The following LRP6 variants were observed in gnomAD, a reference collection of about 807,000 sequenced individuals.
LRP6 encodes the protein LDL receptor related protein 6.
In LRP6, 43 loss-of-function variants were observed where a neutral mutation model predicts 184.1. The ratio of observed to expected loss-of-function variants is 0.23; its 90% CI spans 0.18 to 0.30. The LOEUF is 0.30. Ranked by LOEUF, LRP6 falls within the 10% of genes least tolerant of loss-of-function variation. The probability of loss-of-function intolerance (pLI) is 1.00; values close to 1 mark genes in which losing one functional copy is unlikely to be tolerated. For synonymous variants in LRP6, 719 were observed against 684.9 expected (o/e 1.05, Z -0.78); for missense variants, 1,571 against 2,005.3 (o/e 0.78, Z 4.14).
chr12:12,150,401 T>C (rs1053961413), intron 13 of LRP6, among the ~76,000 whole-genome samples: 4 of 152,174 alleles, frequency 2.6e-5, no homozygotes, highest in Non-Finnish European at 5.9e-5. Context: ...GTAACCGTTA[T>C]TTATTGAGTT....
intron 3 of LRP6, among the ~76,000 whole-genome samples, chr12:12,195,702 C>T (rs1432144235): frequency 1.3e-5 from 2 of 152,002 alleles, no homozygotes; most frequent in African/African-American, 2.4e-5. Flanking sequence ...TGATATAATG[C>T]ATCTGGTATT....
At chr12:12,177,384 G>T (rs1391843915) in intron 7 of LRP6, among the ~76,000 whole-genome samples, 1 of 152,018 alleles carries the variant, frequency 6.6e-6, no homozygotes, top group African/African-American at 2.4e-5. Context: ...GAAAAAGAGG[G>T]ATTTTTAAAA....
chr12:12,208,299 G>C (rs1350574415), intron 2 of LRP6, among the ~76,000 whole-genome samples: 1 of 152,138 alleles, frequency 6.6e-6, no homozygotes, highest in Non-Finnish European at 1.5e-5. Flanking sequence ...GGGGCTTAAG[G>C]CACCTTCTGG....
chr12:12,162,818 T>C (rs570188020), intron 9 of LRP6, among the ~76,000 whole-genome samples: 5 of 152,222 alleles, frequency 3.3e-5, no homozygotes, highest in Admixed American at 6.5e-5. Flanking sequence ...TATAAATGAA[T>C]GTAACCATTA....
chr12:12,165,331 T>C (rs992772779), intron 7 of LRP6, 36 bp from the exon 8 acceptor site: 1 of 1,405,354 alleles, frequency 7.1e-7, no homozygotes, highest in African/African-American at 1.4e-5. Context: ...GGGGATGAAT[T>C]ATGCATTTAT....
intron 3 of LRP6, chr12:12,187,504 G>T (rs552230063): frequency 4.5e-5 from 12 of 268,050 alleles, no homozygotes; most frequent in African/African-American, 2.6e-4. Flanking sequence ...ACAGAGAAAG[G>T]TAAGCAATGA....
intron 2 of LRP6, among the ~76,000 whole-genome samples, chr12:12,215,352 T>C (rs996158505): frequency 6.6e-6 from 1 of 152,126 alleles, no homozygotes; most frequent in Non-Finnish European, 1.5e-5. Flanking sequence ...ATAATAAAAA[T>C]AGTCTGATAA....
chr12:12,133,546 A>G (rs1949786623), intron 17 of LRP6, among the ~76,000 whole-genome samples: 1 of 152,114 alleles, frequency 6.6e-6, no homozygotes, highest in African/African-American at 2.4e-5. Context: ...CAGAACCATG[A>G]GCCAATTAAA....
intron 8 of LRP6, among the ~76,000 whole-genome samples, 161 bp downstream of exon 8, chr12:12,164,918 G>GGAAAAAAA (rs1862832194): frequency 1.1e-4 from 1 of 9,322 alleles, no homozygotes; most frequent in African/African-American, 2.4e-4. Context: ...TCCCTTCTCA[G>GGAAAAAAA]TAAAAAAAAA....
At position 12,181,362 on chromosome 12, in the gene LRP6, T is replaced by C. The variant is rs1288148260; in HGVS notation, c.1054A>G (p.Ile352Val). 21 of 1,610,310 alleles carry C rather than the reference T, an allele frequency of 1.3e-5. No individual in the cohort carries two copies. The highest frequency in any genetic ancestry group is 2.2e-5 in the South Asian group (2 of 91,000). ...CGGATGTCTTCTAACTGCAGAACAA[T>C]GTCTGTAAAATCTGGTGTATCCAAA... Reference protein sequence around the residue: ...ISLDTPDFTDIVLQLEDIRHA... With the variant: ...ISLDTPDFTDVVLQLEDIRHA... The change falls in exon 6 of 23, where the codon ATT becomes GTT. Residue 352 changes from isoleucine to valine, a missense_variant. Ile to Val is a conservative substitution (Grantham distance 29). Transcript: ENST00000261349.
chr12:12,187,817 T>C (rs576298447), intron 3 of LRP6, among the ~76,000 whole-genome samples: 1 of 152,246 alleles, frequency 6.6e-6, no homozygotes, highest in East Asian at 1.9e-4. Context: ...AGATCCAAAA[T>C]TTTCACAAGC....
At chr12:12,142,597 GAACA>G (rs1203419458) in intron 15 of LRP6, among the ~76,000 whole-genome samples, 9 of 151,416 alleles carry the variant, frequency 5.9e-5, no homozygotes, top group African/African-American at 2.2e-4. Flanking sequence ...AATAGAAAAA[GAACA>G]AACATTTCTT....
chr12:12,174,701 T>C (rs778775328), intron 7 of LRP6, among the ~76,000 whole-genome samples: 2 of 152,218 alleles, frequency 1.3e-5, no homozygotes, highest in Non-Finnish European at 2.9e-5. Context: ...AGGGTATTGA[T>C]GAAATAAAGG....
chr12:12,244,094 T>C (rs1012491276), intron 2 of LRP6, among the ~76,000 whole-genome samples, 168 bp downstream of exon 2: 1 of 151,972 alleles, frequency 6.6e-6, no homozygotes, highest in African/African-American at 2.4e-5. Context: ...AAAATAATAA[T>C]AACACAACGT....
intron 4 of LRP6, among the ~76,000 whole-genome samples, chr12:12,186,444 T>G (rs981328398): frequency 6.6e-6 from 1 of 152,054 alleles, no homozygotes; most frequent in Non-Finnish European, 1.5e-5. Context: ...AGTGGCACAA[T>G]CTCGGCTCAC....
chr12:12,159,701 T>C, intron 11 of LRP6, 79 bp downstream of exon 11: 3 of 1,341,954 alleles, frequency 2.2e-6, no homozygotes, highest in Non-Finnish European at 3.2e-6. Flanking sequence ...ATTAAAAGTA[T>C]CTAACCAATG....
intron 10 of LRP6, among the ~76,000 whole-genome samples, chr12:12,161,016 T>C (rs1040050555): frequency 2.0e-5 from 3 of 152,248 alleles, no homozygotes; most frequent in African/African-American, 7.2e-5. Context: ...CACTTGTCAT[T>C]TGACAGGCAT....
intron 2 of LRP6, among the ~76,000 whole-genome samples, chr12:12,225,248 T>C (rs1864590200): frequency 6.6e-6 from 1 of 152,006 alleles, no homozygotes; most frequent in Non-Finnish European, 1.5e-5. Flanking sequence ...AGCTTGGAAA[T>C]CGTTACTCTA....
intron 7 of LRP6, among the ~76,000 whole-genome samples, chr12:12,171,539 AT>A (rs1200845863): frequency 7.9e-4 from 4 of 5,050 alleles, no homozygotes; most frequent in African/African-American, 2.1e-3. Context: ...AATAAAATAA[AT>A]AAATAAATAA....
Sources: gnomAD v4.1 joint callset for allele counts (sites outside exome capture counted in the v4.1 genomes callset) on GRCh38, gnomAD v4.1.1 for gene constraint, MANE v1.5 for transcripts, NCBI Gene and HGNC (gene_info 2026-07-23, HGNC 2026-07-21) for gene names.